ADD1: variants seen among roughly 807,000 people sequenced by gnomAD.
ADD1 encodes the protein alpha-adducin.
ADD1 carries 24 observed loss-of-function variants against 80.5 expected under a neutral mutation model. The observed-to-expected ratio is 0.30, with a 90% CI of 0.22 to 0.42. ADD1 has a LOEUF of 0.42. Among genes scored for constraint, ADD1 ranks in the 10% least tolerant of loss-of-function variants. The pLI is 1.00. For synonymous variants in ADD1, 373 were observed against 393.8 expected (o/e 0.95, Z 0.63); for missense variants, 948 against 1,019.0 (o/e 0.93, Z 0.95).
At chr4:2,878,591 T>TA (rs1356729910) in intron 2 of ADD1, among the ~76,000 whole-genome samples, 1 of 152,066 alleles carries the variant, frequency 6.6e-6, no homozygotes, top group African/African-American at 2.4e-5. Flanking sequence ...GATGCAGAGA[T>TA]AAGAGAGTAA....
In ADD1 at chr4:2,926,161, G is replaced by C. The variant is rs375445417; in HGVS notation, c.2047+49G>C. 2 of 1,513,758 alleles carry C rather than the reference G, an allele frequency of 1.3e-6. No homozygotes were observed. Among genetic ancestry groups the C allele is most frequent in the African/African-American group, 1.4e-5 (1 of 72,930 alleles). 93.8% of individuals were successfully genotyped at this position (1,513,758 alleles called of 1,614,324 possible). On this transcript the variant is annotated intron_variant, in intron 15 of 15. Transcript: ENST00000683351. The surrounding 1 kb of genome is among the most constrained non-coding windows in gnomAD (Gnocchi z 5.0). ...GCCACTGTGGGAGGGTGCACGGCTC[G>C]TGCGCGCTGTGGCGGAATGTGGCGG... is the stretch of plus-strand genomic sequence containing the variant.
chr4:2,907,455 C>T, intron 10 of ADD1: 1 of 295,654 alleles, frequency 3.4e-6, no homozygotes, highest in Non-Finnish European at 6.6e-6. Context: ...GGTTATGGGG[C>T]TCAGCTCTGT....
intron 2 of ADD1, among the ~76,000 whole-genome samples, chr4:2,878,202 G>A (rs925411133): frequency 1.3e-5 from 2 of 152,174 alleles, no homozygotes; most frequent in African/African-American, 4.8e-5. Flanking sequence ...GCTGCAGACA[G>A]GGAAAGGACA....
At chr4:2,920,748 C>G (rs1448968634) in intron 14 of ADD1, among the ~76,000 whole-genome samples, 1 of 144,278 alleles carries the variant, frequency 6.9e-6, no homozygotes, top group Non-Finnish European at 1.5e-5. Flanking sequence ...TGAGACAGGT[C>G]TCCTGAATAC....
At chr4:2,845,784 T>C (rs1460472253) in intron 1 of ADD1, among the ~76,000 whole-genome samples, 2 of 152,226 alleles carry the variant, frequency 1.3e-5, no homozygotes, top group African/African-American at 4.8e-5. Context: ...TTTTAGTTCT[T>C]ATAGTCTTTG....
chr4:2,852,189 T>TCTTTCTTTCCTTTCTTTC (rs1553815096), intron 1 of ADD1, among the ~76,000 whole-genome samples: 1 of 50,828 alleles, frequency 2.0e-5, no homozygotes, highest in Non-Finnish European at 4.1e-5. Flanking sequence ...TTTCTTTCTT[T>TCTTTCTTTCCTTTCTTTC]CTTTCTTTCC....
chr4:2,854,319 A>G (rs1367408602), intron 1 of ADD1, among the ~76,000 whole-genome samples: 1 of 152,180 alleles, frequency 6.6e-6, no homozygotes, highest in Non-Finnish European at 1.5e-5. Flanking sequence ...ATGAGACTCC[A>G]TCTTAAGAAA....
At position 2,926,296 on chromosome 4, in the gene ADD1, T is replaced by C. The variant is rs1711602220; in HGVS notation, c.2047+184T>C. On this transcript the variant is annotated intron_variant, in intron 15 of 15. Transcript: ENST00000683351. The surrounding 1 kb of genome is among the most constrained non-coding windows in gnomAD (Gnocchi z 5.0). Reference sequence around the variant, plus strand: ...CTGGGTAACTCCAGGCAAAACAGATTTGTATGTGAGCTGTGACCAGGTAGG... The same window carrying C: ...CTGGGTAACTCCAGGCAAAACAGATCTGTATGTGAGCTGTGACCAGGTAGG... The C allele has an allele frequency of 2.7e-6, 2 of 727,460 alleles. No individual in the cohort carries two copies. The highest frequency in any genetic ancestry group is 2.0e-5 in the Admixed American group (1 of 49,892). 45.1% of individuals were successfully genotyped at this position (727,460 alleles called of 1,614,324 possible).
chr4:2,851,970 C>T (rs1424161180), intron 1 of ADD1, among the ~76,000 whole-genome samples: 2 of 152,010 alleles, frequency 1.3e-5, no homozygotes, highest in Non-Finnish European at 2.9e-5. Context: ...TCCCGAGTAG[C>T]TGAGATTACA....
chr4:2,850,550 T>C (rs1366148836), intron 1 of ADD1, among the ~76,000 whole-genome samples: 5 of 152,276 alleles, frequency 3.3e-5, no homozygotes, highest in Admixed American at 2.0e-4. Flanking sequence ...CTCAGCCTCC[T>C]GAGTAGCTGG....
chr4:2,852,757 G>C (rs145896253), intron 1 of ADD1, among the ~76,000 whole-genome samples: 4 of 147,516 alleles, frequency 2.7e-5, no homozygotes, highest in African/African-American at 1.0e-4. Flanking sequence ...GAAGTGCAGC[G>C]GTGCGATCTT....
In ADD1 at chr4:2,898,763, G is replaced by A; in HGVS notation, c.984+232G>A. Reference sequence around the variant, plus strand: ...AATTTTTAAATTTTCAAATATGTCAGTCACTACCATTTATGGAGTACTGGT... The same window carrying A: ...AATTTTTAAATTTTCAAATATGTCAATCACTACCATTTATGGAGTACTGGT... On this transcript the variant is annotated intron_variant, in intron 8 of 15. Transcript: ENST00000683351. The A allele has an allele frequency of 5.7e-6, 3 of 528,120 alleles. No homozygotes were observed. In the South Asian group the frequency reaches 6.2e-5, roughly 11 times the overall value. 32.7% of individuals were successfully genotyped at this position (528,120 alleles called of 1,614,324 possible).
intron 14 of ADD1, among the ~76,000 whole-genome samples, chr4:2,920,607 T>G (rs1321241754): frequency 2.6e-5 from 4 of 152,172 alleles, no homozygotes; most frequent in African/African-American, 9.7e-5. Flanking sequence ...CTTTTTAAAT[T>G]TTTGTTGGCT....
intron 14 of ADD1, among the ~76,000 whole-genome samples, chr4:2,922,481 A>G (rs944337619): frequency 1.5e-4 from 23 of 152,228 alleles, no homozygotes; most frequent in African/African-American, 5.3e-4. Flanking sequence ...GCAGAACAGC[A>G]AAGATCGCTG....
chr4:2,882,612 G>C (rs1732544656), intron 3 of ADD1, among the ~76,000 whole-genome samples: 1 of 152,200 alleles, frequency 6.6e-6, no homozygotes, highest in Non-Finnish European at 1.5e-5. Flanking sequence ...GTCTCTGATG[G>C]GTCTGGTTGG....
At chr4:2,893,876 C>T (rs900655101) in intron 4 of ADD1, 137 bp from the exon 5 acceptor site, 8 of 703,062 alleles carry the variant, frequency 1.1e-5, no homozygotes, top group Middle Eastern at 5.0e-4. Flanking sequence ...CCCTTGGCTT[C>T]GTGACAGGCA....
chr4:2,888,142 C>A (rs941633081), intron 4 of ADD1, among the ~76,000 whole-genome samples: 1 of 150,544 alleles, frequency 6.6e-6, no homozygotes, highest in Non-Finnish European at 1.5e-5. Flanking sequence ...TCACTGCAAC[C>A]TCTGCCGCCT....
rs951277361 is a variant in ADD1, at chr4:2,909,419, C to G, written c.1779C>G (p.Leu593=). Residue 593 remains leucine, a synonymous_variant, in exon 13 of 16, where the codon CTC becomes CTG. Coordinates refer to ENST00000683351, the MANE Select transcript of ADD1 (RefSeq NM_001354761.2). ...TEQTFSPAKS[L]SFRKGELVTA... is the part of the protein sequence containing the mutation. The stretch of plus-strand genomic sequence containing the variant: ...AGACCTTTAGTCCCGCTAAATCTCT[C>G]TCTTTTAGAAAGGTACTCACTGCCC... 3 of 1,550,042 alleles carry G rather than the reference C, an allele frequency of 1.9e-6. No individual in the cohort carries two copies. Among genetic ancestry groups the G allele is most frequent in the Admixed American group, 2.0e-5 (1 of 50,978 alleles).
At chr4:2,856,672 A>G (rs1026807587) in intron 1 of ADD1, among the ~76,000 whole-genome samples, 11 of 146,258 alleles carry the variant, frequency 7.5e-5, no homozygotes, top group African/African-American at 2.5e-4. Flanking sequence ...GCTCACTGCA[A>G]CCTCCACCTC....
Sources: allele counts gnomAD v4.1 joint callset (sites outside exome capture counted in the v4.1 genomes callset), GRCh38; gene constraint gnomAD v4.1.1; non-coding constraint Gnocchi (gnomAD v3.1); transcripts MANE v1.5; gene names NCBI Gene and HGNC (gene_info 2026-07-23, HGNC 2026-07-21).